NALCN: variants seen among roughly 807,000 people sequenced by gnomAD.
NALCN encodes the protein sodium leak channel, non-selective, also known as sodium leak channel NALCN.
Under a neutral mutation model 225.3 loss-of-function variants are expected in NALCN, and 111 were observed. The ratio of observed to expected loss-of-function variants is 0.49; its 90% CI spans 0.42 to 0.58. The LOEUF is 0.58. Ranked by LOEUF, NALCN falls within the 20% of genes least tolerant of loss-of-function variation. The probability of loss-of-function intolerance (pLI) is 0.00; values close to 1 mark genes in which losing one functional copy is unlikely to be tolerated. For missense variants in NALCN, 1,378 were observed against 2,202.4 expected, an observed-to-expected ratio of 0.63 and a Z score of 7.49; for synonymous variants, 764 against 769.0, an observed-to-expected ratio of 0.99 and a Z score of 0.11.
rs559174800 is a variant in NALCN at position 101,333,043 on chromosome 13, G to C, written c.799+12223C>G. Reference sequence around the variant, plus strand: ...ATTTATTAACATCATTCTATTTTCAGTACCTATATAGAGTAAGTGCAAAAT... The same window carrying C: ...ATTTATTAACATCATTCTATTTTCACTACCTATATAGAGTAAGTGCAAAAT... On this transcript the variant is annotated intron_variant, in intron 7 of 43. Coordinates refer to ENST00000251127, the MANE Select transcript of NALCN (RefSeq NM_052867.4). 3.2e-4 allele frequency among the ~76,000 whole-genome samples: 49 copies of C among 152,164 alleles called. 1 individual carries two copies. In the South Asian group the frequency reaches 1.0e-2, roughly 31 times the overall value.
chr13:101,348,478 C>T (rs187561944), intron 6 of NALCN, among the ~76,000 whole-genome samples: 17 of 152,242 alleles, frequency 1.1e-4, no homozygotes, highest in Non-Finnish European at 1.9e-4. Context: ...TCAGTTATCC[C>T]ACTTCCAAAA....
At chr13:101,092,971 G>A (rs1196922281) in intron 28 of NALCN, among the ~76,000 whole-genome samples, 1 of 152,036 alleles carries the variant, frequency 6.6e-6, no homozygotes, top group Non-Finnish European at 1.5e-5. Context: ...CTCCTAAGGG[G>A]TAGGGGCCAT....
chr13:101,174,433 A>G (rs2038875603), intron 15 of NALCN, among the ~76,000 whole-genome samples: 1 of 152,206 alleles, frequency 6.6e-6, no homozygotes, highest in Non-Finnish European at 1.5e-5. Flanking sequence ...AGGGCCATAT[A>G]GTTTATTAAA....
intron 6 of NALCN, among the ~76,000 whole-genome samples, chr13:101,366,418 T>C (rs2046378208): frequency 6.6e-6 from 1 of 152,138 alleles, no homozygotes; most frequent in Non-Finnish European, 1.5e-5. Flanking sequence ...GATATGCAAG[T>C]TTCTGGTCTG....
chr13:101,183,573 C>T (rs1200198204), intron 14 of NALCN, among the ~76,000 whole-genome samples: 1 of 152,126 alleles, frequency 6.6e-6, no homozygotes, highest in Non-Finnish European at 1.5e-5. Flanking sequence ...GGTTCTCCTG[C>T]TTCAGCCTCC....
intron 1 of NALCN, among the ~76,000 whole-genome samples, chr13:101,405,644 T>G (rs767571171): frequency 6.6e-6 from 1 of 152,178 alleles, no homozygotes; most frequent in Admixed American, 6.5e-5. Context: ...TCACACGCAC[T>G]GGGCACTTTC....
chr13:101,068,883 T>G, intron 37 of NALCN, 56 bp from the exon 38 acceptor site: 1 of 1,503,390 alleles, frequency 6.7e-7, no homozygotes, highest in African/African-American at 1.4e-5. Context: ...TACAAATTTC[T>G]TTTAGCTGAC....
chr13:101,339,293 T>C (rs2045482421), intron 7 of NALCN, among the ~76,000 whole-genome samples: 1 of 152,196 alleles, frequency 6.6e-6, no homozygotes, highest in African/African-American at 2.4e-5. Context: ...TCTCAATGTC[T>C]GCTAAATAAA....
chr13:101,126,782 C>T (rs1336769053), intron 17 of NALCN, among the ~76,000 whole-genome samples: 10 of 152,158 alleles, frequency 6.6e-5, no homozygotes, highest in Admixed American at 6.5e-4. Flanking sequence ...TGAGCCACCA[C>T]ACCCGGCCAA....
intron 13 of NALCN, among the ~76,000 whole-genome samples, chr13:101,202,456 G>C (rs1045343786): frequency 1.3e-5 from 2 of 152,128 alleles, no homozygotes; most frequent in Non-Finnish European, 2.9e-5. Flanking sequence ...TATAAATATA[G>C]TACTGTTGGT....
chr13:101,151,694 CAT>C (rs1353672404), intron 15 of NALCN, among the ~76,000 whole-genome samples: 1 of 152,304 alleles, frequency 6.6e-6, no homozygotes, highest in East Asian at 1.9e-4. Context: ...CAATTCAGAA[CAT>C]AGAGTCTTGC....
rs182287380 is a variant in NALCN, at chr13:101,351,835, G to A, written c.645-6415C>T. 2.8e-3 allele frequency among the ~76,000 whole-genome samples: 424 copies of A among 152,204 alleles called. 1 individual carries two copies. The highest frequency in any genetic ancestry group is 5.1e-3 in the Admixed American group (78 of 15,282). On this transcript the variant is annotated intron_variant, in intron 6 of 43. Transcript: ENST00000251127. ...TCCTCTCACCACAAGACTCACCAACGACAAAGGCAATAGCTTAAGACTTCA... is the reference window on the plus strand; with the variant it reads ...TCCTCTCACCACAAGACTCACCAACAACAAAGGCAATAGCTTAAGACTTCA...
At chr13:101,303,723 T>C (rs2044052879) in intron 7 of NALCN, among the ~76,000 whole-genome samples, 1 of 152,124 alleles carries the variant, frequency 6.6e-6, no homozygotes, top group Non-Finnish European at 1.5e-5. Flanking sequence ...TGGAATAAAA[T>C]GTCTTTCCGC....
intron 7 of NALCN, among the ~76,000 whole-genome samples, chr13:101,321,419 A>T (rs1418322304): frequency 1.3e-5 from 2 of 152,212 alleles, no homozygotes; most frequent in Admixed American, 1.3e-4. Context: ...TTAGTTGGCT[A>T]AAATTTACAA....
In NALCN at chr13:101,144,907, A is replaced by T; in HGVS notation, c.1840-11T>A. The T allele has an allele frequency of 6.3e-7, 1 of 1,596,820 alleles. No individual in the cohort carries two copies. The highest frequency in any genetic ancestry group is 1.1e-5 in the South Asian group (1 of 86,994). On this transcript the variant is annotated splice_polypyrimidine_tract_variant and intron_variant, in intron 15 of 43. Transcript: ENST00000251127. ...TTCACTTTGCTTTAACTAAAGAAAA[A>T]TTGGAAAGAAGAAAAAAAGGGGGAA...
At chr13:101,058,884 C>T (rs1277220709) in intron 42 of NALCN, 2 of 152,202 alleles carry the variant, frequency 1.3e-5, no homozygotes, top group Admixed American at 6.5e-5. Context: ...ACTAACTCCG[C>T]AGAAGTCCCT....
intron 14 of NALCN, chr13:101,180,644 G>T (rs1005258452): frequency 1.2e-5 from 2 of 172,828 alleles, no homozygotes; most frequent in Non-Finnish European, 2.5e-5. Flanking sequence ...CCTCTCCACC[G>T]AGAACTCTCA....
intron 34 of NALCN, among the ~76,000 whole-genome samples, chr13:101,076,575 A>C (rs1293289681): frequency 6.6e-6 from 1 of 152,228 alleles, no homozygotes; most frequent in Non-Finnish European, 1.5e-5. Context: ...GATTACTCTC[A>C]AGGAGGCTTG....
intron 6 of NALCN, chr13:101,369,014 A>G: frequency 5.5e-6 from 2 of 366,848 alleles, no homozygotes; most frequent in Admixed American, 3.3e-5. Context: ...TCAAAAAAAC[A>G]ACAACAAAAA....
Sources: gnomAD v4.1 joint callset for allele counts (sites outside exome capture counted in the v4.1 genomes callset) on GRCh38, gnomAD v4.1.1 for gene constraint, MANE v1.5 for transcripts, NCBI Gene and HGNC (gene_info 2026-07-23, HGNC 2026-07-21) for gene names.